The following SLC7A10 variants were observed in gnomAD, a reference collection of about 807,000 sequenced individuals.
The protein encoded by SLC7A10 is asc-type amino acid transporter 1.
SLC7A10 carries 30 observed loss-of-function variants against 52.7 expected under a neutral mutation model. The observed-to-expected ratio is 0.57, with a 90% CI of 0.43 to 0.77. SLC7A10 has a LOEUF of 0.77. Ranked by LOEUF, SLC7A10 falls within the 30% of genes least tolerant of loss-of-function variation. The pLI is 0.00. For synonymous variants in SLC7A10, 318 were observed against 314.9 expected (o/e 1.01, Z -0.10); for missense variants, 581 against 698.5 (o/e 0.83, Z 1.90).
At chr19:33,213,595 G>A (rs373474636) in intron 2 of SLC7A10, among the ~76,000 whole-genome samples, 1 of 152,112 alleles carries the variant, frequency 6.6e-6, no homozygotes. Flanking sequence ...GTCACCAAAT[G>A]CTTTTCTAAT....
intron 1 of SLC7A10, among the ~76,000 whole-genome samples, chr19:33,224,711 G>A (rs1011942817): frequency 2.6e-5 from 4 of 152,198 alleles, no homozygotes; most frequent in Admixed American, 2.0e-4. Context: ...AAAGAAACAA[G>A]TCAGTATCCA....
chr19:33,213,395 T>C (rs1221724420), intron 2 of SLC7A10, among the ~76,000 whole-genome samples: 1 of 151,982 alleles, frequency 6.6e-6, no homozygotes, highest in African/African-American at 2.4e-5. Flanking sequence ...TTCATGCCAT[T>C]CTTCTGCCTC....
chr19:33,209,769 G>A (rs1423125122), intron 9 of SLC7A10, among the ~76,000 whole-genome samples: 1 of 152,154 alleles, frequency 6.6e-6, no homozygotes, highest in Non-Finnish European at 1.5e-5. Context: ...CTGGAGGTCA[G>A]TGATTTTTTG....
At chr19:33,216,246 T>C in intron 1 of SLC7A10, among the ~76,000 whole-genome samples, 1 of 152,308 alleles carries the variant, frequency 6.6e-6, no homozygotes, top group East Asian at 1.9e-4. Context: ...AGACAGGCCC[T>C]GTTTGACTTT....
At position 33,208,712 on chromosome 19, in the gene SLC7A10, G is replaced by A; in HGVS notation, c.*179C>T. The A allele has an allele frequency of 1.3e-6, 1 of 750,952 alleles. No individual in the cohort carries two copies. Among genetic ancestry groups the A allele is most frequent in the East Asian group, 2.7e-5 (1 of 37,324 alleles). 46.5% of individuals were successfully genotyped at this position (750,952 alleles called of 1,614,324 possible). A position where few individuals can be genotyped will look rare whatever the true frequency, so the allele number is the denominator to read the frequency against. On this transcript the variant is annotated 3_prime_UTR_variant, in exon 11 of 11. Coordinates refer to ENST00000253188, the MANE Select transcript of SLC7A10 (RefSeq NM_019849.3). The surrounding 1 kb of genome is among the most constrained non-coding windows in gnomAD (Gnocchi z 4.7). ...TAGGCCTTTTCAGGAAGAGCTAGCAGGGCAGTGCTAAGACAGGAAACCCAG... is the reference window on the plus strand; with the variant it reads ...TAGGCCTTTTCAGGAAGAGCTAGCAAGGCAGTGCTAAGACAGGAAACCCAG...
chr19:33,218,663 T>TTCTTTCTTTTCTTTCTTTCTCTCTCTCTC (rs1412723148), intron 1 of SLC7A10, among the ~76,000 whole-genome samples: 1 of 65,596 alleles, frequency 1.5e-5, no homozygotes, highest in Non-Finnish European at 3.5e-5. Flanking sequence ...ACCGGTGGAT[T>TTCTTTCTTTTCTTTCTTTCTCTCTCTCTC]TCTTTCTTTC....
At chr19:33,212,673 C>T (rs761497945) in intron 3 of SLC7A10, 34 bp from the exon 4 acceptor site, 95 of 1,612,972 alleles carry the variant, frequency 5.9e-5, no homozygotes, top group South Asian at 8.8e-5. Flanking sequence ...GCGCCGAGGC[C>T]GGGACCTTTC....
At chr19:33,215,630 ACCCCC>A in intron 2 of SLC7A10, 134 bp downstream of exon 2, 1 of 288,770 alleles carries the variant, frequency 3.5e-6, no homozygotes, top group Non-Finnish European at 4.8e-6. Flanking sequence ...CTCTCCATCC[ACCCCC>A]CACACCTTCT....
In SLC7A10 at chr19:33,209,330, T is replaced by C. The variant is rs535265291; in HGVS notation, c.1419A>G (p.Pro473=). 8.1e-6 allele frequency: 13 copies of C among 1,614,014 alleles called. No individual in the cohort carries two copies. The South Asian group carries it at 1.2e-4, about 15-fold the overall frequency. Residue 473 remains proline, a synonymous_variant, in exon 10 of 11, where the codon CCA becomes CCG. Coordinates refer to ENST00000253188, the MANE Select transcript of SLC7A10 (RefSeq NM_019849.3). ...FFLGVFWRSK[P]KCVHRLTESM... is the part of the protein sequence containing the mutation. ...CACCTGTGAGTCTGTGCACACACTT[T>C]GGTTTGCTTCTCCAGAACACTCCCA...
chr19:33,209,228 TG>T, intron 10 of SLC7A10, 79 bp downstream of exon 10: 1 of 1,587,968 alleles, frequency 6.3e-7, no homozygotes, highest in African/African-American at 1.3e-5. Flanking sequence ...CACCCTGCTC[TG>T]GGGTGAGCCT....
intron 1 of SLC7A10, among the ~76,000 whole-genome samples, chr19:33,218,957 G>A (rs141672291): frequency 1.2e-3 from 177 of 152,036 alleles, no homozygotes; most frequent in African/African-American, 4.1e-3. Flanking sequence ...AAGCCCAGCC[G>A]TTGGGGGAAC....
chr19:33,217,542 A>C (rs537847024), intron 1 of SLC7A10, among the ~76,000 whole-genome samples: 13 of 152,276 alleles, frequency 8.5e-5, no homozygotes, highest in African/African-American at 3.1e-4. Context: ...ACCTCAGACC[A>C]TATGAACAAA....
At position 33,209,403 on chromosome 19, in the gene SLC7A10, C is replaced by A; in HGVS notation, c.1346G>T (p.Cys449Phe). 1 of 1,614,112 alleles carries A rather than the reference C, an allele frequency of 6.2e-7. No individual in the cohort carries two copies. Among genetic ancestry groups the A allele is most frequent in the Non-Finnish European group, 8.5e-7 (1 of 1,180,026 alleles). The change falls in exon 10 of 11, where the codon TGT (cysteine) becomes TTT (phenylalanine). Residue 449 changes from cysteine (C) to phenylalanine (F), a missense_variant. Physicochemically the swap from Cys to Phe is radical, Grantham distance 205 (BLOSUM62 -2). Coordinates refer to ENST00000253188, the MANE Select transcript of SLC7A10 (RefSeq NM_019849.3). ...AAGGATGATGATGACGCCGACCCCA[C>A]AGACCATAGGCTCTGAGATGAAGCT... ...VFSFISEPMV[C>F]GVGVIIILTG... is the part of the protein sequence containing the mutation.
At chr19:33,225,105 T>G (rs1271116954) in intron 1 of SLC7A10, among the ~76,000 whole-genome samples, 1 of 152,258 alleles carries the variant, frequency 6.6e-6, no homozygotes, top group Non-Finnish European at 1.5e-5. Context: ...GCGTGGCACC[T>G]GGACCCTGCA....
intron 1 of SLC7A10, 34 bp downstream of exon 1, chr19:33,225,519 C>T (rs773731139): frequency 2.5e-6 from 4 of 1,593,256 alleles, no homozygotes; most frequent in Non-Finnish European, 3.4e-6. Context: ...CATTCGGCCT[C>T]CGCCCGGCGC....
Position 33,209,218 on chromosome 19 carries a change from C to T in SLC7A10, c.1441+90G>A, listed in dbSNP as rs1040516301. 3.0e-5 allele frequency: 47 copies of T among 1,569,430 alleles called. No individual in the cohort carries two copies. In the African/African-American group the frequency reaches 5.7e-4, roughly 19 times the overall value. ...TGTGTTCCCACCTCAGCTGCTAGGA[C>T]ACCCTGCTCTGGGGTGAGCCTCTAA... On this transcript the variant is annotated intron_variant, in intron 10 of 10. Transcript: ENST00000253188.
chr19:33,222,753 T>C (rs1440051812), intron 1 of SLC7A10, among the ~76,000 whole-genome samples: 1 of 152,218 alleles, frequency 6.6e-6, no homozygotes, highest in Non-Finnish European at 1.5e-5. Context: ...CCAGTTCTAT[T>C]TCCTCCAGCC....
intron 9 of SLC7A10, 128 bp from the exon 10 acceptor site, chr19:33,209,613 C>G: frequency 1.1e-6 from 1 of 939,822 alleles, no homozygotes; most frequent in South Asian, 1.7e-5. Context: ...ATTGCACCCA[C>G]TACACCCCCT....
Position 33,225,834 on chromosome 19 carries a change from G to C in SLC7A10, c.-131C>G. ...CGCCCACAGGCGGGCGCATGCGCTGGCTCCGGGCCCGGGACTGGGGGCCCC... is the reference window on the plus strand; with the variant it reads ...CGCCCACAGGCGGGCGCATGCGCTGCCTCCGGGCCCGGGACTGGGGGCCCC... On this transcript the variant is annotated 5_prime_UTR_variant, in exon 1 of 11. Transcript: ENST00000253188. The C allele has an allele frequency of 9.0e-7, 1 of 1,111,234 alleles. No homozygotes were observed. Among genetic ancestry groups the C allele is most frequent in the Non-Finnish European group, 1.1e-6 (1 of 875,806 alleles). 68.8% of individuals were successfully genotyped at this position (1,111,234 alleles called of 1,614,324 possible). A position where few individuals can be genotyped will look rare whatever the true frequency, so the allele number is the denominator to read the frequency against.
Sources: allele counts gnomAD v4.1 joint callset (sites outside exome capture counted in the v4.1 genomes callset), GRCh38; gene constraint gnomAD v4.1.1; non-coding constraint Gnocchi (gnomAD v3.1); transcripts MANE v1.5; gene names NCBI Gene and HGNC (gene_info 2026-07-23, HGNC 2026-07-21).